Variants in CYP27C1 observed in about 807,000 individuals in gnomAD.
CYP27C1 encodes cytochrome P450 27C1.
A neutral mutation model predicts 40.6 loss-of-function variants in CYP27C1; 29 were observed. The observed-to-expected ratio is 0.71, with a 90% CI of 0.53 to 0.97. CYP27C1 has a LOEUF of 0.97. Ranked by LOEUF, CYP27C1 falls within the 50% of genes least tolerant of loss-of-function variation. The probability of loss-of-function intolerance (pLI) is 0.00; values close to 1 mark genes in which losing one functional copy is unlikely to be tolerated. For missense variants in CYP27C1, 390 were observed against 485.8 expected (o/e 0.80, Z 1.85); for synonymous variants, 198 against 186.8 (o/e 1.06, Z -0.49).
At chr2:127,193,986 G>T in intron 6 of CYP27C1, 119 bp from the exon 7 acceptor site, 3 of 1,134,128 alleles carry the variant, frequency 2.6e-6, no homozygotes, top group African/African-American at 1.6e-5. Context: ...GTAACACATG[G>T]TACATTTTCA....
At chr2:127,187,435 A>T (rs1375484714) in intron 8 of CYP27C1, 48 bp from the exon 9 acceptor site, 2 of 1,512,196 alleles carry the variant, frequency 1.3e-6, no homozygotes, top group African/African-American at 1.4e-5. Context: ...ACAGCAGAAA[A>T]TTCTCAGTGC....
intron 6 of CYP27C1, 112 bp from the exon 7 acceptor site, chr2:127,193,979 A>C: frequency 8.5e-7 from 1 of 1,176,864 alleles, no homozygotes; most frequent in African/African-American, 1.5e-5. Flanking sequence ...TTAAAAAGTA[A>C]CACATGGTAC....
chr2:127,196,533 CAA>C lies in CYP27C1; in HGVS notation c.1048-1034_1048-1033del, dbSNP rs35569428. Reference sequence around the variant, plus strand: ...CAGTATAAAGGCCTTTCTCTTTCACCAAAAAAAAAAAACTAATTTAAGCAGGC... The same window carrying C: ...CAGTATAAAGGCCTTTCTCTTTCACCAAAAAAAAAACTAATTTAAGCAGGC... On this transcript the variant is annotated intron_variant, in intron 5 of 8. Coordinates refer to ENST00000664447, the MANE Select transcript of CYP27C1 (RefSeq NM_001367502.1). This position sits in a 1 kb window ranked among gnomAD's most constrained non-coding sequence, Gnocchi z 4.5. Among the ~76,000 whole-genome samples the C allele has an allele frequency of 1.0e-4, 15 of 147,888 alleles. No homozygotes were observed. The highest frequency in any genetic ancestry group is 1.3e-4 in the Non-Finnish European group (9 of 66,800).
At chr2:127,204,252 C>T (rs903049062) in intron 2 of CYP27C1, among the ~76,000 whole-genome samples, 11 of 131,038 alleles carry the variant, frequency 8.4e-5, no homozygotes, top group Admixed American at 2.7e-4. Flanking sequence ...GGCGACAGAG[C>T]GAAACTCCAT....
chr2:127,204,686 G>T (rs999025713), intron 2 of CYP27C1, among the ~76,000 whole-genome samples: 2 of 152,126 alleles, frequency 1.3e-5, no homozygotes, highest in Non-Finnish European at 2.9e-5. Flanking sequence ...TGTTACCAGG[G>T]TGTGGGGCCT....
chr2:127,214,024 A>G (rs1049661504), intron 1 of CYP27C1, among the ~76,000 whole-genome samples: 1 of 152,252 alleles, frequency 6.6e-6, no homozygotes, highest in African/African-American at 2.4e-5. Flanking sequence ...CACCTCTCAA[A>G]AGAAGACATT....
chr2:127,197,024 A>C (rs1476221857), intron 5 of CYP27C1, among the ~76,000 whole-genome samples: 1 of 152,224 alleles, frequency 6.6e-6, no homozygotes, highest in Non-Finnish European at 1.5e-5. Context: ...ATGAAGTTGT[A>C]AGAATTTGTT....
At position 127,201,730 on chromosome 2, in the gene CYP27C1, C is replaced by G. The variant is rs1683039164; in HGVS notation, c.674-399G>C. Reference sequence around the variant, plus strand: ...CGTGTCACTGCTCTCCCCCAACACCCTCCTCTCAGGAAGGAGTCGGCAAAC... The same window carrying G: ...CGTGTCACTGCTCTCCCCCAACACCGTCCTCTCAGGAAGGAGTCGGCAAAC... On this transcript the variant is annotated intron_variant, in intron 3 of 8. Coordinates refer to ENST00000664447, the MANE Select transcript of CYP27C1 (RefSeq NM_001367502.1). The surrounding 1 kb of genome is among the most constrained non-coding windows in gnomAD (Gnocchi z 6.0). 6.6e-6 allele frequency among the ~76,000 whole-genome samples: 1 copy of G among 152,220 alleles called. No homozygotes were observed.
At chr2:127,204,490 AAGGAAGGAAGG>A (rs1558931117) in intron 2 of CYP27C1, among the ~76,000 whole-genome samples, 2 of 52,988 alleles carry the variant, frequency 3.8e-5, no homozygotes, top group African/African-American at 1.4e-4. Flanking sequence ...GAAAGAAAGG[AAGGAAGGAAGG>A]AAGGAAAGAA....
chr2:127,201,105 C>T lies in CYP27C1; in HGVS notation c.883+17G>A. 1 of 1,609,794 alleles carries T rather than the reference C, an allele frequency of 6.2e-7. No homozygotes were observed. The highest frequency in any genetic ancestry group is 8.5e-7 in the Non-Finnish European group (1 of 1,178,088). On this transcript the variant is annotated intron_variant, in intron 4 of 8. Coordinates refer to ENST00000664447, the MANE Select transcript of CYP27C1 (RefSeq NM_001367502.1). This position sits in a 1 kb window ranked among gnomAD's most constrained non-coding sequence, Gnocchi z 6.0. ...TCAACCTGCTTCTGCAAAAGGTGCT[C>T]TCAATTCTTCTCTTACTGAATTTGA...
In CYP27C1 at chr2:127,187,404, AG is replaced by A; in HGVS notation, c.1498-18del. 6.2e-7 allele frequency: 1 copy of A among 1,604,816 alleles called. No homozygotes were observed. Among genetic ancestry groups the A allele is most frequent in the African/African-American group, 1.3e-5 (1 of 74,836 alleles). On this transcript the variant is annotated intron_variant, in intron 8 of 8. Coordinates refer to ENST00000664447, the MANE Select transcript of CYP27C1 (RefSeq NM_001367502.1). ...TTGAAGCAACTAAGAAGAGAAAGAGAGAGAAGGGGTCAGAATTGGAACAGCA... is the reference window on the plus strand; with the variant it reads ...TTGAAGCAACTAAGAAGAGAAAGAGAAGAAGGGGTCAGAATTGGAACAGCA...
rs185403914 is a variant in CYP27C1 at position 127,186,905 on chromosome 2, T to C, written c.*366A>G. ...CCAGATGCCAGTATTAGAGAACATA[T>C]ATTGAAGAACTGAATTTGTAAGTAA... On this transcript the variant is annotated 3_prime_UTR_variant, in exon 9 of 9. Coordinates refer to ENST00000664447, the MANE Select transcript of CYP27C1 (RefSeq NM_001367502.1). This position sits in a 1 kb window ranked among gnomAD's most constrained non-coding sequence, Gnocchi z 4.5. 8.3e-4 allele frequency: 142 copies of C among 171,600 alleles called. No homozygotes were observed. Among genetic ancestry groups the C allele is most frequent in the Non-Finnish European group, 7.0e-4 (56 of 80,058 alleles). The allele number at this position is 171,600 out of a possible 1,614,324, so 10.6% of individuals were successfully genotyped here.
At chr2:127,204,628 G>GAAAGAAAA (rs1683184722) in intron 2 of CYP27C1, among the ~76,000 whole-genome samples, 1 of 121,056 alleles carries the variant, frequency 8.3e-6, no homozygotes, top group Non-Finnish European at 1.7e-5. Context: ...AAAGAAAGAA[G>GAAAGAAAA]ACTGCAGCTT....
At position 127,184,336 on chromosome 2, in the gene CYP27C1, T is replaced by A. The variant is rs1682568774; in HGVS notation, c.*2935A>T. ...AATCTGATTCAAACGAAGTCCAGCATTGTACTTGGTTAATATGTCTCCTAT... is the reference window on the plus strand; with the variant it reads ...AATCTGATTCAAACGAAGTCCAGCAATGTACTTGGTTAATATGTCTCCTAT... On this transcript the variant is annotated 3_prime_UTR_variant, in exon 9 of 9. Transcript: ENST00000664447. 6.6e-6 allele frequency: 1 copy of A among 152,196 alleles called. No homozygotes were observed. Among genetic ancestry groups the A allele is most frequent in the Admixed American group, 6.5e-5 (1 of 15,274 alleles). 9.4% of individuals were successfully genotyped at this position (152,196 alleles called of 1,614,324 possible).
intron 6 of CYP27C1, 91 bp from the exon 7 acceptor site, chr2:127,193,958 A>T: frequency 7.1e-7 from 1 of 1,411,052 alleles, no homozygotes. Context: ...TCCCATTTCC[A>T]TTAAAAATTC....
chr2:127,211,381 T>G (rs868609163), intron 1 of CYP27C1, among the ~76,000 whole-genome samples: 2,146 of 118,386 alleles, frequency 0.018, 75 homozygotes, highest in African/African-American at 0.055. Flanking sequence ...TTTTTTTTTT[T>G]TTTTTTTTTT....
chr2:127,216,319 C>G (rs1355180306), intron 1 of CYP27C1, among the ~76,000 whole-genome samples: 5 of 152,128 alleles, frequency 3.3e-5, no homozygotes, highest in African/African-American at 9.7e-5. Context: ...AATGGATAAG[C>G]AAAATGTGGT....
rs1003500053 is a variant in CYP27C1, at chr2:127,200,977, T to C, written c.883+145A>G. The C allele has an allele frequency of 2.9e-5, 23 of 787,916 alleles. No homozygotes were observed. Among genetic ancestry groups the C allele is most frequent in the South Asian group, 9.1e-5 (5 of 55,044 alleles). The allele number at this position is 787,916 out of a possible 1,614,324, so 48.8% of individuals were successfully genotyped here. The stretch of plus-strand genomic sequence containing the variant: ...GACTCCGTCTCAAAAAAAAAAAAAA[T>C]CCAAAAGTTATGGGTCCAAAAACTA... On this transcript the variant is annotated intron_variant, in intron 4 of 8. Coordinates refer to ENST00000664447, the MANE Select transcript of CYP27C1 (RefSeq NM_001367502.1). This position sits in a 1 kb window ranked among gnomAD's most constrained non-coding sequence, Gnocchi z 4.2.
intron 2 of CYP27C1, among the ~76,000 whole-genome samples, chr2:127,204,975 C>T (rs1316520334): frequency 6.6e-6 from 1 of 152,218 alleles, no homozygotes; most frequent in Admixed American, 6.5e-5. Context: ...AGGACCCAAG[C>T]TAAGCCAGCC....
Sources: gnomAD v4.1 joint callset for allele counts (sites outside exome capture counted in the v4.1 genomes callset) on GRCh38, gnomAD v4.1.1 for gene constraint, Gnocchi (gnomAD v3.1) non-coding constraint, MANE v1.5 for transcripts, NCBI Gene and HGNC (gene_info 2026-07-23, HGNC 2026-07-21) for gene names.